The following ARGFX variants were observed in gnomAD, a reference collection of about 807,000 sequenced individuals.
ARGFX encodes arginine-fifty homeobox.
In ARGFX, 10 loss-of-function variants were observed where a neutral mutation model predicts 8.0. The observed-to-expected ratio is 1.25, with a 90% CI of 0.77 to 2.12. ARGFX has a LOEUF of 2.12. Among genes scored for constraint, ARGFX ranks in the 30% most tolerant of loss-of-function variants. The probability of loss-of-function intolerance (pLI) is 0.00; values close to 1 mark genes in which losing one functional copy is unlikely to be tolerated. For synonymous variants in ARGFX, 116 were observed against 117.8 expected, an observed-to-expected ratio of 0.98 and a Z score of 0.10; for missense variants, 282 against 324.3, an observed-to-expected ratio of 0.87 and a Z score of 1.00.
At chr3:121,581,820 T>C (rs988302191) in intron 3 of ARGFX, among the ~76,000 whole-genome samples, 7 of 152,064 alleles carry the variant, frequency 4.6e-5, no homozygotes, top group African/African-American at 1.7e-4. Flanking sequence ...GGAGAATCAC[T>C]TGAGCCAGGG....
At position 121,586,055 on chromosome 3, in the gene ARGFX, AAGCAGC is replaced by A; in HGVS notation, c.414_419del (p.Gln139_Gln140del). 6.3e-7 allele frequency: 1 copy of A among 1,587,946 alleles called. No individual in the cohort carries two copies. Among genetic ancestry groups the A allele is most frequent in the Middle Eastern group, 1.7e-4 (1 of 5,898 alleles). On this transcript the variant is annotated inframe_deletion, in exon 5 of 5. Coordinates refer to ENST00000334384, the MANE Select transcript of ARGFX (RefSeq NM_001012659.2). Reference sequence around the variant, plus strand: ...CAGGAACCGGCGATTCAAATTGAAGAAGCAGCAGCAGCAGCAATCAGCAAAGCAACG... The same window carrying A: ...CAGGAACCGGCGATTCAAATTGAAGAAGCAGCAGCAATCAGCAAAGCAACG...
At chr3:121,569,233 C>T (rs550763776) in intron 1 of ARGFX, among the ~76,000 whole-genome samples, 3 of 152,204 alleles carry the variant, frequency 2.0e-5, no homozygotes, top group South Asian at 4.1e-4. Context: ...GAAAATCTGA[C>T]CTCATACAGA....
chr3:121,576,725 TTCTTTCTTTCTTTCTTTCTTTTTC>T (rs2048739793), intron 2 of ARGFX, 35 bp from the exon 3 acceptor site: 1 of 347,798 alleles, frequency 2.9e-6, no homozygotes, highest in Non-Finnish European at 5.5e-6. Context: ...CTTTCTTTCT[TTCTTTCTTTCTTTCTTTCTTTTTC>T]TCTTTCTTTC....
intron 1 of ARGFX, among the ~76,000 whole-genome samples, chr3:121,569,576 G>A (rs2048695043): frequency 1.3e-5 from 2 of 152,050 alleles, no homozygotes; most frequent in African/African-American, 4.8e-5. Context: ...ATGTTGGTCA[G>A]GCTGGTCTCA....
intron 3 of ARGFX, among the ~76,000 whole-genome samples, chr3:121,577,910 TGAGTAGCTGG>T (rs1361595157): frequency 6.6e-6 from 1 of 151,222 alleles, no homozygotes; most frequent in Admixed American, 6.6e-5. Flanking sequence ...CTCAGCCTTT[TGAGTAGCTGG>T]GATTACAGGT....
At chr3:121,574,101 G>C (rs1302770454) in intron 2 of ARGFX, among the ~76,000 whole-genome samples, 1 of 152,020 alleles carries the variant, frequency 6.6e-6, no homozygotes, top group Non-Finnish European at 1.5e-5. Flanking sequence ...CAGTATGATG[G>C]TACCTCAAAA....
In ARGFX at chr3:121,585,049, C is replaced by T. The variant is rs267599564; in HGVS notation, c.353C>T (p.Pro118Leu). The change falls in exon 4 of 5, where the codon CCG (proline) becomes CTG (leucine). Residue 118 changes from proline (P) to leucine (L), a missense_variant. Coordinates refer to ENST00000334384, the MANE Select transcript of ARGFX (RefSeq NM_001012659.2). ...AAACTAGCTTTGAGACTCGACCTAC[C>T]GGAGTCAACAGTAAAGGTCTGATCC... The part of the protein sequence containing the change: ...QEKLALRLDL[P>L]ESTVKVWFRN... 13 of 1,613,754 alleles carry T rather than the reference C, an allele frequency of 8.1e-6. No individual in the cohort carries two copies. Among genetic ancestry groups the T allele is most frequent in the East Asian group, 2.2e-5 (1 of 44,892 alleles).
At chr3:121,578,750 A>C (rs1158715746) in intron 3 of ARGFX, among the ~76,000 whole-genome samples, 4 of 150,448 alleles carry the variant, frequency 2.7e-5, no homozygotes, top group Non-Finnish European at 5.9e-5. Context: ...GGCTCACTGC[A>C]AGTTCTGCCT....
chr3:121,576,987 C>T (rs67439929), intron 3 of ARGFX, 87 bp downstream of exon 3: 42,088 of 152,892 alleles, frequency 0.28, 6,251 homozygotes, highest in East Asian at 0.61. Flanking sequence ...AGAGCAAGAC[C>T]TTGTCTCTAA....
chr3:121,583,537 C>T (rs1191368331), intron 3 of ARGFX, among the ~76,000 whole-genome samples: 1 of 151,582 alleles, frequency 6.6e-6, no homozygotes, highest in African/African-American at 2.4e-5. Context: ...CTCAACCTCC[C>T]AGGCTCAGGC....
rs2048821109 is a variant in ARGFX, at chr3:121,587,849, G to A, written c.*1249G>A. 6.6e-6 allele frequency among the ~76,000 whole-genome samples: 1 copy of A among 150,842 alleles called. No homozygotes were observed. Among genetic ancestry groups the A allele is most frequent in the African/African-American group, 2.4e-5 (1 of 40,976 alleles). ...AATTTTTGTATTTTTAGTGGAGATGGGGTTTCGCCTTGTTGCCCAGGCTGA... is the reference window on the plus strand; with the variant it reads ...AATTTTTGTATTTTTAGTGGAGATGAGGTTTCGCCTTGTTGCCCAGGCTGA... On this transcript the variant is annotated 3_prime_UTR_variant, in exon 5 of 5. Coordinates refer to ENST00000334384, the MANE Select transcript of ARGFX (RefSeq NM_001012659.2).
chr3:121,570,795 C>T lies in ARGFX; in HGVS notation c.82C>T (p.Pro28Ser). Reference sequence around the variant, plus strand: ...TTATTCCAACATGAAGGTGATACCACCACAGGATCCAGCTAGTCCCAGTGA... The same window carrying T: ...TTATTCCAACATGAAGGTGATACCATCACAGGATCCAGCTAGTCCCAGTGA... ...RNYSNMKVIPPQDPASPSFTL... is the reference protein window; with the variant it reads ...RNYSNMKVIPSQDPASPSFTL... Residue 28 changes from proline to serine, a missense_variant, in exon 2 of 5, where the codon CCA becomes TCA. Coordinates refer to ENST00000334384, the MANE Select transcript of ARGFX (RefSeq NM_001012659.2). 1 of 1,605,244 alleles carries T rather than the reference C, an allele frequency of 6.2e-7. No individual in the cohort carries two copies. The highest frequency in any genetic ancestry group is 1.7e-4 in the Middle Eastern group (1 of 6,046).
chr3:121,569,362 C>CTTTT (rs1193645372), intron 1 of ARGFX, among the ~76,000 whole-genome samples: 19 of 125,546 alleles, frequency 1.5e-4, no homozygotes, highest in South Asian at 2.6e-4. Flanking sequence ...AATGTGAAAA[C>CTTTT]TTTTTTTTTT....
intron 3 of ARGFX, among the ~76,000 whole-genome samples, chr3:121,580,370 T>A (rs2048770973): frequency 6.6e-6 from 1 of 151,906 alleles, no homozygotes; most frequent in Admixed American, 6.6e-5. Context: ...CTCGAACACC[T>A]GACCTCATCT....
In ARGFX at chr3:121,580,604, A is replaced by T. The variant is rs866034072; in HGVS notation, c.220+3704A>T. 3.1e-4 allele frequency among the ~76,000 whole-genome samples: 30 copies of T among 96,272 alleles called. 1 individual carries two copies. Among genetic ancestry groups the T allele is most frequent in the East Asian group, 2.6e-3 (5 of 1,890 alleles). The allele number at this position is 96,272 out of a possible 152,430, so 63.2% of individuals were successfully genotyped here. On this transcript the variant is annotated intron_variant, in intron 3 of 4. Coordinates refer to ENST00000334384, the MANE Select transcript of ARGFX (RefSeq NM_001012659.2). ...TGTGTGTGTGTGTGTGTATATATATATATTTTTTTTTTTTTTTTGAGATGA... is the reference window on the plus strand; with the variant it reads ...TGTGTGTGTGTGTGTGTATATATATTTATTTTTTTTTTTTTTTTGAGATGA...
intron 1 of ARGFX, among the ~76,000 whole-genome samples, 160 bp downstream of exon 1, chr3:121,568,173 G>A (rs1230652855): frequency 6.6e-6 from 1 of 152,166 alleles, no homozygotes; most frequent in Non-Finnish European, 1.5e-5. Context: ...AGGAAGGTCA[G>A]AAAGACTGAC....
chr3:121,583,265 A>T (rs1019899813), intron 3 of ARGFX, among the ~76,000 whole-genome samples: 1 of 151,386 alleles, frequency 6.6e-6, no homozygotes, highest in Admixed American at 6.6e-5. Flanking sequence ...CCTGACTTCA[A>T]GTGATTCACC....
At chr3:121,583,025 A>AT (rs35823830) in intron 3 of ARGFX, among the ~76,000 whole-genome samples, 29,018 of 108,362 alleles carry the variant, frequency 0.27, 4,368 homozygotes, top group East Asian at 0.58. Flanking sequence ...TAATTGCGGG[A>AT]TTTTTTTTTT....
chr3:121,584,549 A>T (rs1034061453), intron 3 of ARGFX, among the ~76,000 whole-genome samples: 2 of 152,236 alleles, frequency 1.3e-5, no homozygotes, highest in African/African-American at 4.8e-5. Flanking sequence ...GAGGTTAGGT[A>T]GGGTAGAAAG....
Sources: allele counts gnomAD v4.1 joint callset (sites outside exome capture counted in the v4.1 genomes callset), GRCh38; gene constraint gnomAD v4.1.1; transcripts MANE v1.5; gene names NCBI Gene and HGNC (gene_info 2026-07-23, HGNC 2026-07-21).